Variants in TCN2 observed in about 807,000 individuals in gnomAD.
TCN2 encodes transcobalamin 2.
A neutral mutation model predicts 48.6 loss-of-function variants in TCN2; 34 were observed. The observed-to-expected ratio is 0.70, with a 90% CI of 0.53 to 0.93. TCN2 has a LOEUF of 0.93. Ranked by LOEUF, TCN2 falls within the 40% of genes least tolerant of loss-of-function variation. TCN2 has a pLI of 0.00. For synonymous variants in TCN2, 283 were observed against 212.5 expected, an observed-to-expected ratio of 1.33 and a Z score of -2.89; for missense variants, 652 against 526.1, an observed-to-expected ratio of 1.24 and a Z score of -2.34.
chr22:30,609,002 C>T (rs1167982920), intron 1 of TCN2, among the ~76,000 whole-genome samples: 4 of 151,958 alleles, frequency 2.6e-5, no homozygotes, highest in Non-Finnish European at 5.9e-5. Context: ...GCTAAGAATG[C>T]TCCCCTGCCT....
chr22:30,615,760 A>G lies in TCN2; in HGVS notation c.913A>G (p.Ile305Val), dbSNP rs1189684372. Residue 305 changes from isoleucine (I) to valine (V), a missense_variant, in exon 6 of 9, where the codon ATC (isoleucine) becomes GTC (valine). Transcript: ENST00000215838. ...VLNHKTYIDL[I>V]FPDCLAPRVM... is the part of the protein sequence containing the mutation. ...GAACCACAAGACCTACATTGATCTG[A>G]TCTTCCCAGACTGTCTGGCACCACG... 2 of 1,614,144 alleles carry G rather than the reference A, an allele frequency of 1.2e-6. No homozygotes were observed. The highest frequency in any genetic ancestry group is 1.1e-5 in the South Asian group (1 of 91,078).
At chr22:30,611,122 G>C in intron 2 of TCN2, 59 bp downstream of exon 2, 1 of 1,611,398 alleles carries the variant, frequency 6.2e-7, no homozygotes, top group African/African-American at 1.3e-5. Context: ...TGGGAAACTT[G>C]GGTACTAGTT....
intron 7 of TCN2, among the ~76,000 whole-genome samples, chr22:30,618,538 G>GA (rs1292559690): frequency 2.6e-5 from 4 of 152,118 alleles, no homozygotes; most frequent in Admixed American, 2.6e-4. Context: ...TTTTAGTAGA[G>GA]ACAGGGTTTT....
rs1491409648 is a variant in TCN2 at position 30,625,401 on chromosome 22, TTA to T, written c.1223-1058_1223-1057del. Among the ~76,000 whole-genome samples, 567 of 84,934 alleles carry T rather than the reference TTA, an allele frequency of 6.7e-3. 2 individuals carry two copies. Among genetic ancestry groups the T allele is most frequent in the African/African-American group, 0.029 (516 of 17,860 alleles). The allele number at this position is 84,934 out of a possible 152,430, so 55.7% of individuals were successfully genotyped here. On this transcript the variant is annotated intron_variant, in intron 8 of 8. Coordinates refer to ENST00000215838, the MANE Select transcript of TCN2 (RefSeq NM_000355.4). ...ACTTTCTGGGGCCTTGTTTTTTAAT[TTA>T]AAAAAAAAAAATATTTTCCTGGCCC...
chr22:30,616,259 G>A (rs991907568), intron 6 of TCN2, among the ~76,000 whole-genome samples: 1 of 152,154 alleles, frequency 6.6e-6, no homozygotes, highest in African/African-American at 2.4e-5. Context: ...CGAGGCGGGT[G>A]GCTCACCTGA....
In TCN2 at chr22:30,624,049, C is replaced by CATATGTATACATATAT. The variant is rs1569047243; in HGVS notation, c.1222+967_1222+968insTATGTATACATATATA. 3.2e-4 allele frequency among the ~76,000 whole-genome samples: 11 copies of CATATGTATACATATAT among 34,350 alleles called. 2 individuals carry two copies. Among genetic ancestry groups the CATATGTATACATATAT allele is most frequent in the East Asian group, 1.8e-3 (4 of 2,266 alleles). The allele number at this position is 34,350 out of a possible 152,430, so 22.5% of individuals were successfully genotyped here. On this transcript the variant is annotated intron_variant, in intron 8 of 8. Transcript: ENST00000215838. ...ATATATATGTATACATATATACACA[C>CATATGTATACATATAT]ACACACACACACATATATATATATA...
chr22:30,615,497 T>G (rs775556752), intron 5 of TCN2, 24 bp downstream of exon 5: 32 of 1,611,634 alleles, frequency 2.0e-5, no homozygotes, highest in Admixed American at 5.0e-5. Context: ...CCTGGAGCCA[T>G]GGCCACCCTG....
At chr22:30,619,999 T>A (rs551447156) in intron 7 of TCN2, among the ~76,000 whole-genome samples, 21 of 152,126 alleles carry the variant, frequency 1.4e-4, no homozygotes, top group African/African-American at 2.7e-4. Flanking sequence ...TTCAAAAAAA[T>A]TTTTTTAATT....
chr22:30,618,892 C>T (rs1036289852), intron 7 of TCN2, among the ~76,000 whole-genome samples: 2 of 152,010 alleles, frequency 1.3e-5, no homozygotes, highest in Non-Finnish European at 2.9e-5. Flanking sequence ...TCCTCAGTCT[C>T]CCGAGTAGCT....
Position 30,624,080 on chromosome 22 carries a change from A to ATATATATTT in TCN2, c.1222+998_1222+999insATATATTTT, listed in dbSNP as rs1384095160. On this transcript the variant is annotated intron_variant, in intron 8 of 8. Coordinates refer to ENST00000215838, the MANE Select transcript of TCN2 (RefSeq NM_000355.4). ...CACACACATATATATATATATATAT[A>ATATATATTT]TTTTTTTTTTTTGAGATGGAGTCTT... is the stretch of plus-strand genomic sequence containing the variant. 9.7e-5 allele frequency among the ~76,000 whole-genome samples: 4 copies of ATATATATTT among 41,350 alleles called. 1 individual carries two copies. Among genetic ancestry groups the ATATATATTT allele is most frequent in the East Asian group, 1.0e-3 (2 of 1,934 alleles). 27.1% of individuals were successfully genotyped at this position (41,350 alleles called of 152,430 possible). A position where few individuals can be genotyped will look rare whatever the true frequency, so the allele number is the denominator to read the frequency against.
intron 7 of TCN2, among the ~76,000 whole-genome samples, chr22:30,621,393 A>G (rs2087696629): frequency 6.6e-6 from 1 of 152,198 alleles, no homozygotes; most frequent in Admixed American, 6.6e-5. Context: ...GCGTTTGTTC[A>G]CATCACTTCC....
At chr22:30,618,857 C>T (rs2087654929) in intron 7 of TCN2, among the ~76,000 whole-genome samples, 2 of 151,946 alleles carry the variant, frequency 1.3e-5, no homozygotes, top group African/African-American at 4.8e-5. Flanking sequence ...GCAGCATCTA[C>T]CTCCCAGGTT....
intron 2 of TCN2, among the ~76,000 whole-genome samples, chr22:30,611,392 C>T (rs779422191): frequency 1.3e-5 from 2 of 152,200 alleles, no homozygotes; most frequent in African/African-American, 4.8e-5. Context: ...TATCACTAAT[C>T]GATGACTGCA....
chr22:30,607,442 A>G, intron 1 of TCN2, 47 bp downstream of exon 1: 1 of 1,609,794 alleles, frequency 6.2e-7, no homozygotes, highest in Non-Finnish European at 8.5e-7. Context: ...CTGGGTCCTT[A>G]GTGGGGTGGC....
chr22:30,609,642 G>C (rs2087505823), intron 1 of TCN2, among the ~76,000 whole-genome samples: 1 of 152,174 alleles, frequency 6.6e-6, no homozygotes, highest in African/African-American at 2.4e-5. Flanking sequence ...GACAGACCCA[G>C]AGAGCCTCAC....
intron 1 of TCN2, among the ~76,000 whole-genome samples, chr22:30,609,411 G>T (rs188210074): frequency 6.6e-6 from 1 of 152,126 alleles, no homozygotes; most frequent in Non-Finnish European, 1.5e-5. Context: ...AATCTGCCTG[G>T]CCCCTTCCTT....
At chr22:30,619,868 CT>C (rs1228461055) in intron 7 of TCN2, among the ~76,000 whole-genome samples, 1 of 152,102 alleles carries the variant, frequency 6.6e-6, no homozygotes, top group Non-Finnish European at 1.5e-5. Context: ...AATATAAAGT[CT>C]TTGGCCAGAG....
intron 8 of TCN2, among the ~76,000 whole-genome samples, chr22:30,624,990 G>A (rs941679894): frequency 6.6e-6 from 1 of 152,194 alleles, no homozygotes; most frequent in South Asian, 2.1e-4. Context: ...GCCAAGGCAG[G>A]TGGATCACCT....
chr22:30,626,587 C>T lies in TCN2; in HGVS notation c.*66C>T, dbSNP rs759986135. On this transcript the variant is annotated 3_prime_UTR_variant, in exon 9 of 9. Transcript: ENST00000215838. ...AGGCTTCTACCCTCCCTCCTGATGT[C>T]CCTGGAACAGGAACTCGCCTGACCC... 7 of 1,568,748 alleles carry T rather than the reference C, an allele frequency of 4.5e-6. No homozygotes were observed. Among genetic ancestry groups the T allele is most frequent in the Non-Finnish European group, 6.1e-6 (7 of 1,141,344 alleles).
Sources: allele counts gnomAD v4.1 joint callset (sites outside exome capture counted in the v4.1 genomes callset), GRCh38; gene constraint gnomAD v4.1.1; transcripts MANE v1.5; gene names NCBI Gene and HGNC (gene_info 2026-07-23, HGNC 2026-07-21).